Variants in DTWD2 observed in about 807,000 individuals in gnomAD.
DTWD2 encodes the protein DTW motif tRNA-uridine aminocarboxypropyltransferase 2.
DTWD2 carries 39 observed loss-of-function variants against 31.8 expected under a neutral mutation model. The ratio of observed to expected loss-of-function variants is 1.22; its 90% CI spans 0.95 to 1.60. DTWD2 has a LOEUF of 1.60. Among genes scored for constraint, DTWD2 ranks in the 40% most tolerant of loss-of-function variants. DTWD2 has a pLI of 0.00. For missense variants in DTWD2, 515 were observed against 381.5 expected (o/e 1.35, Z -2.92); for synonymous variants, 180 against 142.8 (o/e 1.26, Z -1.86).
At chr5:118,845,001 G>T (rs908008894) in intron 5 of DTWD2, among the ~76,000 whole-genome samples, 1 of 152,060 alleles carries the variant, frequency 6.6e-6, no homozygotes, top group African/African-American at 2.4e-5. Flanking sequence ...ACAAAAATTA[G>T]CTGGGCATGG....
chr5:118,984,835 A>G (rs191584207), intron 1 of DTWD2, among the ~76,000 whole-genome samples: 101 of 152,360 alleles, frequency 6.6e-4, no homozygotes, highest in Middle Eastern at 3.4e-3. Context: ...TACAGAAGAT[A>G]TAAAAGTATA....
At position 118,899,824 on chromosome 5, in the gene DTWD2, C is replaced by T. The variant is rs551193073; in HGVS notation, c.597+28713G>A. 4.9e-5 allele frequency among the ~76,000 whole-genome samples: 6 copies of T among 122,680 alleles called. No individual in the cohort carries two copies. The East Asian group carries it at 1.0e-3, about 21-fold the overall frequency. The allele number at this position is 122,680 out of a possible 152,430, so 80.5% of individuals were successfully genotyped here. A position where few individuals can be genotyped will look rare whatever the true frequency, so the allele number is the denominator to read the frequency against. On this transcript the variant is annotated intron_variant, in intron 4 of 5. Transcript: ENST00000510708. ...CTTTTTTTTTTTTTTTTTTTTGAGA[C>T]GGAGTCTCACTCTGTTGCCCGGGCT...
rs1280406587 is a variant in DTWD2 at position 118,839,450 on chromosome 5, G to A, written c.*1467C>T. On this transcript the variant is annotated 3_prime_UTR_variant, in exon 6 of 6. Coordinates refer to ENST00000510708, the MANE Select transcript of DTWD2 (RefSeq NM_173666.4). Reference sequence around the variant, plus strand: ...GCTCCTTGCAACCTTGATGTCCTGGGCTCCAGCGATCCTCCCACCTTAGCC... The same window carrying A: ...GCTCCTTGCAACCTTGATGTCCTGGACTCCAGCGATCCTCCCACCTTAGCC... The A allele has an allele frequency of 6.6e-6, 1 of 152,060 alleles. No individual in the cohort carries two copies. The highest frequency in any genetic ancestry group is 1.5e-5 in the Non-Finnish European group (1 of 68,028). 9.4% of individuals were successfully genotyped at this position (152,060 alleles called of 1,614,324 possible).
chr5:118,867,722 A>G (rs993977406), intron 4 of DTWD2, among the ~76,000 whole-genome samples: 2 of 152,248 alleles, frequency 1.3e-5, no homozygotes, highest in African/African-American at 2.4e-5. Flanking sequence ...GCAGTCATCT[A>G]TAACAACACT....
intron 4 of DTWD2, among the ~76,000 whole-genome samples, chr5:118,871,885 A>G (rs1752513676): frequency 6.6e-6 from 1 of 152,188 alleles, no homozygotes; most frequent in Non-Finnish European, 1.5e-5. Flanking sequence ...TCTTGCTATC[A>G]AAGTCCTTCT....
chr5:118,920,608 A>ATTC (rs3040987), intron 4 of DTWD2, among the ~76,000 whole-genome samples: 40,949 of 151,908 alleles, frequency 0.27, 9,502 homozygotes, highest in African/African-American at 0.64. Flanking sequence ...ATTTTATCTA[A>ATTC]TTCTTCAGCA....
intron 4 of DTWD2, among the ~76,000 whole-genome samples, chr5:118,859,114 C>G (rs1752201600): frequency 6.6e-6 from 1 of 151,840 alleles, no homozygotes. Context: ...TATTGATAAT[C>G]TCTTCCTAAA....
At chr5:118,958,554 T>A (rs1754640356) in intron 1 of DTWD2, among the ~76,000 whole-genome samples, 4 of 117,630 alleles carry the variant, frequency 3.4e-5, no homozygotes, top group African/African-American at 6.5e-5. Context: ...AAATGACAAA[T>A]ATAACATTAA....
chr5:118,948,648 T>A (rs886104816), intron 1 of DTWD2, among the ~76,000 whole-genome samples: 3 of 152,088 alleles, frequency 2.0e-5, no homozygotes, highest in Non-Finnish European at 4.4e-5. Flanking sequence ...GGTCAAGTTG[T>A]TTGGACAGAA....
chr5:118,872,626 C>T (rs1026343080), intron 4 of DTWD2, among the ~76,000 whole-genome samples: 1 of 151,978 alleles, frequency 6.6e-6, no homozygotes, highest in Non-Finnish European at 1.5e-5. Context: ...TTTGTGGCAC[C>T]CCAAAACAAT....
At chr5:118,948,089 G>T (rs953194088) in intron 1 of DTWD2, among the ~76,000 whole-genome samples, 6 of 152,140 alleles carry the variant, frequency 3.9e-5, no homozygotes, top group Admixed American at 2.6e-4. Context: ...TGTTATTGGG[G>T]CAACATAGAG....
chr5:118,892,246 T>G (rs1752991203), intron 4 of DTWD2, among the ~76,000 whole-genome samples: 1 of 152,166 alleles, frequency 6.6e-6, no homozygotes, highest in African/African-American at 2.4e-5. Context: ...GTAGTTCACA[T>G]ATCTAAGTTG....
At chr5:118,855,166 C>CAA (rs577100147) in intron 4 of DTWD2, among the ~76,000 whole-genome samples, 1 of 125,508 alleles carries the variant, frequency 8.0e-6, no homozygotes. Flanking sequence ...AACTCTGTCT[C>CAA]AAAAAAAAAA....
chr5:118,985,800 T>C (rs551847167), intron 1 of DTWD2, among the ~76,000 whole-genome samples: 63 of 152,288 alleles, frequency 4.1e-4, no homozygotes, highest in African/African-American at 1.5e-3. Flanking sequence ...CAAATACTTT[T>C]ACTTTGAAAA....
chr5:118,985,691 A>G (rs1170747791), intron 1 of DTWD2, among the ~76,000 whole-genome samples: 1 of 151,894 alleles, frequency 6.6e-6, no homozygotes. Context: ...TATCAAACAC[A>G]TATAAAAAGT....
chr5:118,951,490 C>T (rs540823560), intron 1 of DTWD2, among the ~76,000 whole-genome samples: 1 of 152,116 alleles, frequency 6.6e-6, no homozygotes, highest in East Asian at 1.9e-4. Context: ...GCACCTCAGA[C>T]CATTTGCCCA....
intron 4 of DTWD2, among the ~76,000 whole-genome samples, chr5:118,912,474 C>T (rs2149571298): frequency 6.6e-6 from 1 of 152,392 alleles, no homozygotes; most frequent in South Asian, 2.1e-4. Flanking sequence ...CATTCTGTTC[C>T]TCTCTCGCTA....
At chr5:118,908,159 CT>C (rs1316015186) in intron 4 of DTWD2, among the ~76,000 whole-genome samples, 1 of 151,988 alleles carries the variant, frequency 6.6e-6, no homozygotes, top group Non-Finnish European at 1.5e-5. Flanking sequence ...CCTGTTTTTC[CT>C]CCTAAGTACA....
chr5:118,931,227 C>T (rs1753915688), intron 3 of DTWD2, among the ~76,000 whole-genome samples: 1 of 151,828 alleles, frequency 6.6e-6, no homozygotes, highest in Admixed American at 6.6e-5. Context: ...ACTCCCATCT[C>T]TCCAAAAATG....
Sources: gnomAD v4.1 joint callset for allele counts (sites outside exome capture counted in the v4.1 genomes callset) on GRCh38, gnomAD v4.1.1 for gene constraint, MANE v1.5 for transcripts, NCBI Gene and HGNC (gene_info 2026-07-23, HGNC 2026-07-21) for gene names.